Variants in MAP4 observed in about 807,000 individuals in gnomAD.
MAP4 encodes the protein microtubule-associated protein 4.
Under a neutral mutation model 170.2 loss-of-function variants are expected in MAP4, and 76 were observed. The observed-to-expected ratio is 0.45, with a 90% CI of 0.37 to 0.54. The LOEUF (loss-of-function observed/expected upper bound fraction) is 0.54. MAP4 is among the 20% of genes least tolerant of loss of function. The pLI is 0.00. For missense variants in MAP4, 2,506 were observed against 2,748.0 expected (o/e 0.91, Z 1.97); for synonymous variants, 909 against 994.5 (o/e 0.91, Z 1.62).
intron 1 of MAP4, among the ~76,000 whole-genome samples, chr3:48,087,376 A>G (rs2100149615): frequency 6.6e-6 from 1 of 152,184 alleles, no homozygotes; most frequent in Non-Finnish European, 1.5e-5. Context: ...CCATGTGCTC[A>G]GCTTGGATTC....
chr3:47,891,067 G>C (rs1054620553), intron 10 of MAP4: 1 of 1,530,138 alleles, frequency 6.5e-7, no homozygotes, highest in African/African-American at 1.4e-5. Flanking sequence ...GAGTGCTCTG[G>C]GTTGCAGTGA....
intron 1 of MAP4, among the ~76,000 whole-genome samples, chr3:48,006,829 T>C (rs1279127899): frequency 6.6e-6 from 1 of 152,234 alleles, no homozygotes; most frequent in Non-Finnish European, 1.5e-5. Context: ...AACCAAGTGG[T>C]GACTCCAATT....
intron 1 of MAP4, among the ~76,000 whole-genome samples, chr3:48,035,028 T>C (rs1190917133): frequency 1.3e-5 from 2 of 151,944 alleles, no homozygotes; most frequent in Non-Finnish European, 2.9e-5. Context: ...AAATAACTTA[T>C]TCTACAGTTT....
chr3:47,926,172 G>A (rs973007458), intron 4 of MAP4, among the ~76,000 whole-genome samples: 6 of 144,640 alleles, frequency 4.1e-5, no homozygotes, highest in Non-Finnish European at 9.1e-5. Flanking sequence ...GTGGAATTAA[G>A]TTACTCTATT....
At chr3:48,061,250 C>G (rs1041515246) in intron 1 of MAP4, among the ~76,000 whole-genome samples, 1 of 150,196 alleles carries the variant, frequency 6.7e-6, no homozygotes, top group Non-Finnish European at 1.5e-5. Flanking sequence ...CGAGCCGAAG[C>G]TGGACTGTAC....
chr3:48,015,732 T>C (rs1250296630), intron 1 of MAP4, among the ~76,000 whole-genome samples: 1 of 152,200 alleles, frequency 6.6e-6, no homozygotes, highest in Admixed American at 6.5e-5. Context: ...ATTTATACTT[T>C]CAAGCAAAAT....
At chr3:48,077,234 G>A (rs1177972066) in intron 1 of MAP4, among the ~76,000 whole-genome samples, 1 of 151,952 alleles carries the variant, frequency 6.6e-6, no homozygotes, top group Non-Finnish European at 1.5e-5. Context: ...CCTGAGGTTG[G>A]GAGTTCGAGC....
chr3:48,041,821 A>C (rs2100121772), intron 1 of MAP4, among the ~76,000 whole-genome samples: 1 of 152,230 alleles, frequency 6.6e-6, no homozygotes, highest in Admixed American at 6.5e-5. Flanking sequence ...CCTGAAATAA[A>C]AACAAGGTTG....
chr3:47,964,989 A>G (rs1578420595), intron 3 of MAP4, among the ~76,000 whole-genome samples: 2 of 152,256 alleles, frequency 1.3e-5, no homozygotes, highest in South Asian at 4.1e-4. Flanking sequence ...CTTTGTACCC[A>G]TTAAGCAACA....
chr3:47,870,128 C>T (rs1287960218), intron 15 of MAP4, among the ~76,000 whole-genome samples: 1 of 152,146 alleles, frequency 6.6e-6, no homozygotes, highest in Non-Finnish European at 1.5e-5. Context: ...ACTCCAGGGA[C>T]CCGAACATTC....
chr3:48,037,713 A>T (rs1428509916), intron 1 of MAP4, among the ~76,000 whole-genome samples: 2 of 151,798 alleles, frequency 1.3e-5, no homozygotes, highest in Non-Finnish European at 2.9e-5. Flanking sequence ...TTCAGTACCT[A>T]CCCCTCAACC....
chr3:48,065,909 A>C (rs956381824), intron 1 of MAP4, among the ~76,000 whole-genome samples: 1 of 152,180 alleles, frequency 6.6e-6, no homozygotes, highest in Non-Finnish European at 1.5e-5. Context: ...GCTTGAGTCC[A>C]GGAGTTTGAG....
At chr3:47,873,155 T>C (rs2094042537) in intron 12 of MAP4, among the ~76,000 whole-genome samples, 1 of 152,202 alleles carries the variant, frequency 6.6e-6, no homozygotes, top group Admixed American at 6.5e-5. Flanking sequence ...GAGGCAGGCC[T>C]GATCAACAGA....
At chr3:48,022,716 C>T (rs1276380061) in intron 1 of MAP4, among the ~76,000 whole-genome samples, 1 of 152,008 alleles carries the variant, frequency 6.6e-6, no homozygotes, top group Non-Finnish European at 1.5e-5. Context: ...TGGTGAAACC[C>T]CGTCTCTACG....
intron 3 of MAP4, among the ~76,000 whole-genome samples, chr3:47,939,574 CATA>C (rs541972830): frequency 2.6e-5 from 4 of 151,798 alleles, no homozygotes; most frequent in Non-Finnish European, 5.9e-5. Context: ...AGGTTGGTGA[CATA>C]ATGTTTTTTT....
chr3:47,880,996 CTT>C (rs1290295921), intron 10 of MAP4, among the ~76,000 whole-genome samples: 3 of 152,132 alleles, frequency 2.0e-5, no homozygotes, highest in Admixed American at 6.6e-5. Context: ...GTAATTGTGA[CTT>C]TGTGTACTTC....
intron 3 of MAP4, among the ~76,000 whole-genome samples, chr3:47,963,872 A>G (rs2100073189): frequency 6.6e-6 from 1 of 152,230 alleles, no homozygotes; most frequent in Non-Finnish European, 1.5e-5. Context: ...ACGAAAAAAT[A>G]GAAGGGGTGC....
At chr3:48,039,813 C>G (rs2100120707) in intron 1 of MAP4, among the ~76,000 whole-genome samples, 1 of 152,178 alleles carries the variant, frequency 6.6e-6, no homozygotes, top group East Asian at 1.9e-4. Flanking sequence ...AAAGTATCTG[C>G]AAGAGGATTC....
intron 1 of MAP4, among the ~76,000 whole-genome samples, chr3:48,037,520 A>G (rs546424927): frequency 1.9e-4 from 29 of 151,988 alleles, no homozygotes; most frequent in Non-Finnish European, 3.5e-4. Context: ...TCAGCCTCCC[A>G]AGTAGCTGGA....
Sources: allele counts gnomAD v4.1 joint callset (sites outside exome capture counted in the v4.1 genomes callset), GRCh38; gene constraint gnomAD v4.1.1; transcripts MANE v1.5; gene names NCBI Gene and HGNC (gene_info 2026-07-23, HGNC 2026-07-21).